Variants in CAMKMT observed in about 807,000 individuals in gnomAD.
CAMKMT encodes CaM KMT.
Under a neutral mutation model 48.0 loss-of-function variants are expected in CAMKMT, and 53 were observed. The observed-to-expected ratio is 1.10, with a 90% CI of 0.89 to 1.39. The LOEUF (loss-of-function observed/expected upper bound fraction) is 1.39. Ranked by LOEUF, CAMKMT falls within the 40% of genes most tolerant of loss-of-function variation. The pLI is 0.00. For missense variants in CAMKMT, 428 were observed against 402.7 expected (o/e 1.06, Z -0.54); for synonymous variants, 165 against 152.3 (o/e 1.08, Z -0.61).
At chr2:44,701,542 A>T (rs1266508132) in intron 3 of CAMKMT, among the ~76,000 whole-genome samples, 1 of 152,208 alleles carries the variant, frequency 6.6e-6, no homozygotes, top group African/African-American at 2.4e-5. Flanking sequence ...CTCTGACCAG[A>T]TATCCCATTT....
intron 3 of CAMKMT, chr2:44,400,912 A>G (rs1682305592): frequency 7.3e-6 from 1 of 136,812 alleles, no homozygotes; most frequent in African/African-American, 2.8e-5. Context: ...GTGTATGTGC[A>G]TGTATACTTA....
intron 3 of CAMKMT, among the ~76,000 whole-genome samples, chr2:44,587,846 C>T (rs1418596022): frequency 3.5e-4 from 44 of 126,142 alleles, no homozygotes; most frequent in African/African-American, 1.1e-3. Flanking sequence ...ACCTCCCAGC[C>T]GCCTGCCTTG....
chr2:44,598,119 C>T (rs1162241117), intron 3 of CAMKMT, among the ~76,000 whole-genome samples: 1 of 152,018 alleles, frequency 6.6e-6, no homozygotes, highest in Non-Finnish European at 1.5e-5. Context: ...GAATGAGCTA[C>T]TAAATATCAT....
At chr2:44,711,636 G>T (rs764088296) in intron 6 of CAMKMT, among the ~76,000 whole-genome samples, 2 of 152,096 alleles carry the variant, frequency 1.3e-5, no homozygotes, top group Non-Finnish European at 2.9e-5. Context: ...ATTCTAAGCA[G>T]CAGGAAAAGA....
At chr2:44,464,783 G>A (rs1668025956) in intron 3 of CAMKMT, among the ~76,000 whole-genome samples, 1 of 152,120 alleles carries the variant, frequency 6.6e-6, no homozygotes, top group Non-Finnish European at 1.5e-5. Flanking sequence ...CAAAAGCTGA[G>A]GGAATTCATC....
intron 3 of CAMKMT, among the ~76,000 whole-genome samples, chr2:44,552,085 C>T (rs771530621): frequency 6.6e-6 from 1 of 152,092 alleles, no homozygotes; most frequent in Non-Finnish European, 1.5e-5. Context: ...ATGTAAGCAT[C>T]ACTTGAATAG....
intron 3 of CAMKMT, among the ~76,000 whole-genome samples, chr2:44,616,091 C>T (rs144209339): frequency 4.1e-4 from 63 of 152,304 alleles, no homozygotes; most frequent in African/African-American, 1.4e-3. Flanking sequence ...AGTCATAAGT[C>T]CTGTGGATTG....
intron 3 of CAMKMT, among the ~76,000 whole-genome samples, chr2:44,548,545 G>T (rs1667529609): frequency 6.6e-6 from 1 of 152,132 alleles, no homozygotes; most frequent in African/African-American, 2.4e-5. Context: ...GCTGTGGAAG[G>T]ATTTTGCAGA....
At chr2:44,371,346 T>G (rs1679164049) in intron 1 of CAMKMT, among the ~76,000 whole-genome samples, 1 of 152,182 alleles carries the variant, frequency 6.6e-6, no homozygotes, top group Admixed American at 6.5e-5. Flanking sequence ...CTGGAATTCC[T>G]GGCCTCAAGC....
At chr2:44,381,401 GGAGA>G (rs1680228172) in intron 2 of CAMKMT, among the ~76,000 whole-genome samples, 1 of 152,024 alleles carries the variant, frequency 6.6e-6, no homozygotes, top group South Asian at 2.1e-4. Context: ...AGACAGAGAG[GGAGA>G]GAGACAGATG....
intron 7 of CAMKMT, among the ~76,000 whole-genome samples, chr2:44,729,137 C>T (rs75829584): frequency 9.3e-5 from 14 of 151,132 alleles, no homozygotes; most frequent in East Asian, 1.9e-4. Flanking sequence ...AGTGACTGTA[C>T]GTAGAATGTA....
At chr2:44,633,036 A>G (rs1245314308) in intron 3 of CAMKMT, among the ~76,000 whole-genome samples, 1 of 152,054 alleles carries the variant, frequency 6.6e-6, no homozygotes, top group Non-Finnish European at 1.5e-5. Flanking sequence ...TGACTAACAC[A>G]AGTACAATTT....
intron 3 of CAMKMT, among the ~76,000 whole-genome samples, chr2:44,639,688 T>C (rs574752588): frequency 2.7e-4 from 41 of 152,320 alleles, no homozygotes; most frequent in African/African-American, 9.6e-4. Context: ...TCCTATCTTT[T>C]GTGGTTGGAT....
intron 3 of CAMKMT, among the ~76,000 whole-genome samples, chr2:44,483,989 A>G (rs1453217941): frequency 6.6e-6 from 1 of 152,192 alleles, no homozygotes; most frequent in Non-Finnish European, 1.5e-5. Flanking sequence ...GAAGTTTCTA[A>G]GAATCACAGG....
At chr2:44,548,928 G>A (rs1667551702) in intron 3 of CAMKMT, among the ~76,000 whole-genome samples, 1 of 152,114 alleles carries the variant, frequency 6.6e-6, no homozygotes, top group Non-Finnish European at 1.5e-5. Context: ...ACTCAACCAT[G>A]CCATACCAGA....
chr2:44,662,438 A>C (rs62132338), intron 3 of CAMKMT, among the ~76,000 whole-genome samples: 1 of 152,080 alleles, frequency 6.6e-6, no homozygotes, highest in Non-Finnish European at 1.5e-5. Flanking sequence ...TTTACTGTCA[A>C]TGGAAATTGT....
rs139657761 is a variant in CAMKMT, at chr2:44,406,670, T to G, written c.376+16365T>G. On this transcript the variant is annotated intron_variant, in intron 3 of 10. Transcript: ENST00000378494. Reference sequence around the variant, plus strand: ...GGAATGCAGTGGCACCATCATGGCCTACTGCATCCGCAACTTCCTGGACCC... The same window carrying G: ...GGAATGCAGTGGCACCATCATGGCCGACTGCATCCGCAACTTCCTGGACCC... 4.1e-3 allele frequency among the ~76,000 whole-genome samples: 620 copies of G among 152,284 alleles called. 8 individuals carry two copies. Among genetic ancestry groups the G allele is most frequent in the African/African-American group, 0.014 (592 of 41,552 alleles).
intron 3 of CAMKMT, among the ~76,000 whole-genome samples, chr2:44,563,195 C>T (rs1479739178): frequency 6.6e-6 from 1 of 151,668 alleles, no homozygotes; most frequent in Non-Finnish European, 1.5e-5. Context: ...GAGGTATCTA[C>T]TCTTATCTCT....
At chr2:44,527,528 A>G (rs1186718972) in intron 3 of CAMKMT, among the ~76,000 whole-genome samples, 1 of 149,314 alleles carries the variant, frequency 6.7e-6, no homozygotes, top group East Asian at 2.0e-4. Flanking sequence ...CAGTGGGATT[A>G]TAGACACAAG....
Sources: gnomAD v4.1 joint callset for allele counts (sites outside exome capture counted in the v4.1 genomes callset) on GRCh38, gnomAD v4.1.1 for gene constraint, MANE v1.5 for transcripts, NCBI Gene and HGNC (gene_info 2026-07-23, HGNC 2026-07-21) for gene names.